Variants in EPG5 observed in about 807,000 individuals in gnomAD.
The protein encoded by EPG5 is ectopic P granules protein 5 homolog.
Under a neutral mutation model 302.7 loss-of-function variants are expected in EPG5, and 159 were observed. The observed-to-expected ratio is 0.53, with a 90% confidence interval of 0.46 to 0.60. The LOEUF (loss-of-function observed/expected upper bound fraction) is 0.60. Among genes scored for constraint, EPG5 ranks in the 20% least tolerant of loss-of-function variants. EPG5 has a pLI of 0.00. For missense variants in EPG5, 2,896 were observed against 3,092.4 expected (o/e 0.94, Z 1.51); for synonymous variants, 1,158 against 1,136.8 (o/e 1.02, Z -0.37).
chr18:45,917,772 A>C lies in EPG5; in HGVS notation c.3146T>G (p.Val1049Gly). ...AEGIPLLGIL[V>G]QSRHLRTVVH... The stretch of plus-strand genomic sequence containing the variant: ...CACTGTTCTCAAATGTCTTGACTGG[A>C]CCAGAATTCCCAATAGTGGGATGCC... Residue 1049 changes from valine (V) to glycine (G), a missense_variant, in exon 17 of 44, where the codon GTC becomes GGC. By Grantham distance (109) the Val-to-Gly change is moderately radical (BLOSUM62 -3). Around this residue, in one of 5 missense-constraint regions of EPG5, gnomAD observed 1,390 missense variants for 1,430.0 expected, o/e 0.97. Transcript: ENST00000282041. The C allele has an allele frequency of 1.9e-6, 3 of 1,614,148 alleles. No homozygotes were observed. Among genetic ancestry groups the C allele is most frequent in the South Asian group, 1.1e-5 (1 of 91,086 alleles).
Position 45,860,762 on chromosome 18 carries a change from C to T in EPG5, c.6767-416G>A, listed in dbSNP as rs139917075. Among the ~76,000 whole-genome samples the T allele has an allele frequency of 4.7e-3, 719 of 152,228 alleles. 6 individuals are homozygous for T. The highest frequency in any genetic ancestry group is 0.016 in the African/African-American group (684 of 41,526). On this transcript the variant is annotated intron_variant, in intron 39 of 43. Transcript: ENST00000282041. ...CAAAAGTACCCACTGTCACTGCCACCGCTGTCAATATTCTAGGGTGATTTA... is the reference window on the plus strand; with the variant it reads ...CAAAAGTACCCACTGTCACTGCCACTGCTGTCAATATTCTAGGGTGATTTA...
the EPG5 span, chr18:45,838,795 G>C: frequency 1.3e-6 from 2 of 1,560,868 alleles, no homozygotes; most frequent in South Asian, 1.2e-5. Context: ...TGCCGAAGGG[G>C]AGCCGCCGCC....
rs964646585 is a variant in EPG5 at position 45,935,070 on chromosome 18, T to G, written c.2100-104A>C. On this transcript the variant is annotated intron_variant, in intron 10 of 43. Coordinates refer to ENST00000282041, the MANE Select transcript of EPG5 (RefSeq NM_020964.3). The stretch of plus-strand genomic sequence containing the variant: ...GGAAAAAAAGATTCTTAAATCACAC[T>G]ATGATTTTTCTAATATGCTTTAGTC... The G allele has an allele frequency of 7.3e-6, 9 of 1,224,996 alleles. No individual in the cohort carries two copies. The African/African-American group carries it at 1.2e-4, about 17-fold the overall frequency. The allele number at this position is 1,224,996 out of a possible 1,614,324, so 75.9% of individuals were successfully genotyped here. A position where few individuals can be genotyped will look rare whatever the true frequency, so the allele number is the denominator to read the frequency against.
intron 34 of EPG5, 99 bp from the exon 35 acceptor site, chr18:45,876,441 A>C: frequency 1.2e-6 from 1 of 865,204 alleles, no homozygotes; most frequent in Non-Finnish European, 1.9e-6. Flanking sequence ...AAGCCTGTCC[A>C]TTATGTAGGC....
chr18:45,872,441 C>G (rs1259195489), intron 35 of EPG5, among the ~76,000 whole-genome samples: 1 of 152,180 alleles, frequency 6.6e-6, no homozygotes, highest in Non-Finnish European at 1.5e-5. Flanking sequence ...CAGTGGCTCA[C>G]GCTTGCAATC....
chr18:45,907,791 T>C, intron 24 of EPG5, 167 bp downstream of exon 24: 1 of 602,072 alleles, frequency 1.7e-6, no homozygotes. Flanking sequence ...AAGGGAGTAT[T>C]CCCTCCATAT....
rs1274529865 is a variant in EPG5 at position 45,858,690 on chromosome 18, T to A, written c.7102A>T (p.Thr2368Ser). ...TMEEFLQECL[T>S]LGSYLTLYVY... is the part of the protein sequence containing the mutation. ...TAAAGAGTCAAGTAACTGCCCAAGG[T>A]GAGGCACTCCTGCAGGAACTCTTCC... The change falls in exon 41 of 44, where the codon ACC becomes TCC. Residue 2368 changes from threonine to serine, a missense_variant. This residue lies in a region of EPG5 where 620 missense variants were observed against 704.2 expected (regional missense o/e 0.88). Coordinates refer to ENST00000282041, the MANE Select transcript of EPG5 (RefSeq NM_020964.3). 1.9e-6 allele frequency: 3 copies of A among 1,614,096 alleles called. No individual in the cohort carries two copies. The South Asian group carries it at 3.3e-5, about 18-fold the overall frequency.
intron 35 of EPG5, among the ~76,000 whole-genome samples, chr18:45,872,859 G>A (rs1286112583): frequency 6.6e-6 from 1 of 152,144 alleles, no homozygotes; most frequent in East Asian, 1.9e-4. Context: ...TTTAAATATG[G>A]ATAAAAGACA....
At chr18:45,856,793 TGTAA>T (rs1332247457) in intron 42 of EPG5, among the ~76,000 whole-genome samples, 1 of 134,268 alleles carries the variant, frequency 7.4e-6, no homozygotes, top group Middle Eastern at 3.7e-3. Flanking sequence ...GAAACCATGA[TGTAA>T]GTAAGTATTA....
chr18:45,867,355 T>C (rs1272318879), intron 37 of EPG5, among the ~76,000 whole-genome samples: 3 of 152,220 alleles, frequency 2.0e-5, no homozygotes, highest in African/African-American at 7.2e-5. Flanking sequence ...TAATACATTC[T>C]AACTCAGTGT....
intron 21 of EPG5, among the ~76,000 whole-genome samples, chr18:45,912,762 C>T (rs919874754): frequency 6.6e-6 from 1 of 152,046 alleles, no homozygotes; most frequent in Admixed American, 6.6e-5. Context: ...GCGAATACAA[C>T]GTTATAGTGC....
chr18:45,871,092 A>T (rs1454473017), intron 35 of EPG5, among the ~76,000 whole-genome samples: 5 of 152,280 alleles, frequency 3.3e-5, no homozygotes, highest in Admixed American at 3.3e-4. Context: ...TTCATTTGGC[A>T]CTCAGGAGAA....
chr18:45,883,424 G>A (rs1599486339), intron 30 of EPG5, among the ~76,000 whole-genome samples: 2 of 150,772 alleles, frequency 1.3e-5, no homozygotes, highest in African/African-American at 2.4e-5. Flanking sequence ...ATTATAGGCT[G>A]AGATCAATCT....
the EPG5 span, among the ~76,000 whole-genome samples, chr18:45,828,422 T>C: frequency 6.6e-6 from 1 of 152,102 alleles, no homozygotes; most frequent in Non-Finnish European, 1.5e-5. Flanking sequence ...TATCTGCTTT[T>C]AGGAAGCTAG....
intron 10 of EPG5, among the ~76,000 whole-genome samples, chr18:45,937,952 A>G (rs1028464773): frequency 2.6e-5 from 4 of 152,166 alleles, no homozygotes; most frequent in African/African-American, 7.2e-5. Flanking sequence ...ACAGCTCAAT[A>G]TATAAGCTCT....
chr18:45,807,345 G>A, the EPG5 span, among the ~76,000 whole-genome samples: 1 of 152,158 alleles, frequency 6.6e-6, no homozygotes, highest in Non-Finnish European at 1.5e-5. Context: ...CTAGGGCCCT[G>A]CCCACCACCT....
At chr18:45,832,208 G>A in the EPG5 span, among the ~76,000 whole-genome samples, 1 of 152,180 alleles carries the variant, frequency 6.6e-6, no homozygotes, top group African/African-American at 2.4e-5. Flanking sequence ...AATCCTATGT[G>A]GAAGGTACTA....
At chr18:45,907,758 G>A in intron 24 of EPG5, 200 bp downstream of exon 24, 1 of 453,602 alleles carries the variant, frequency 2.2e-6, no homozygotes, top group East Asian at 3.9e-5. Context: ...CAGGTAGAAG[G>A]CACGGTGGGG....
intron 14 of EPG5, among the ~76,000 whole-genome samples, chr18:45,924,595 G>T (rs1195464863): frequency 6.6e-6 from 1 of 152,194 alleles, no homozygotes; most frequent in Non-Finnish European, 1.5e-5. Flanking sequence ...AACAAATAAG[G>T]CCTATGGTAA....
Sources: gnomAD v4.1 joint callset for allele counts (sites outside exome capture counted in the v4.1 genomes callset) on GRCh38, gnomAD v4.1.1 for gene constraint, gnomAD v4.1.1 regional missense constraint, MANE v1.5 for transcripts, NCBI Gene and HGNC (gene_info 2026-07-23, HGNC 2026-07-21) for gene names.